The following SLC2A9 variants were observed in gnomAD, a reference collection of about 807,000 sequenced individuals.
SLC2A9 encodes solute carrier family 2, facilitated glucose transporter member 9.
A neutral mutation model predicts 50.6 loss-of-function variants in SLC2A9; 39 were observed. The observed-to-expected ratio is 0.77, with a 90% CI of 0.60 to 1.01. SLC2A9 has a LOEUF of 1.01. Ranked by LOEUF, SLC2A9 falls within the 50% of genes least tolerant of loss-of-function variation. SLC2A9 has a pLI of 0.00. For synonymous variants in SLC2A9, 324 were observed against 276.9 expected (o/e 1.17, Z -1.69); for missense variants, 686 against 677.6 (o/e 1.01, Z -0.14).
intron 10 of SLC2A9, among the ~76,000 whole-genome samples, chr4:9,836,754 GC>G (rs1188269815): frequency 9.2e-5 from 14 of 152,238 alleles, no homozygotes; most frequent in African/African-American, 3.4e-4. Context: ...TTGGAGAAAA[GC>G]CTGGAGGGTG....
chr4:9,791,332 C>T (rs1719893290), intron 3 of SLC2A9, among the ~76,000 whole-genome samples: 1 of 152,272 alleles, frequency 6.6e-6, no homozygotes, highest in South Asian at 2.1e-4. Flanking sequence ...CCTGTTACAC[C>T]ATTTAATGCT....
rs563346423 is a variant in SLC2A9 at position 9,964,948 on chromosome 4, G to A, written c.681+15644C>T. Among the ~76,000 whole-genome samples the A allele has an allele frequency of 7.9e-5, 12 of 152,196 alleles. No individual in the cohort carries two copies. The South Asian group carries it at 8.3e-4, about 11-fold the overall frequency. ...AGACATTCGGAGTAATTATCACCCC[G>A]CTCTGAGACTGAGCTTTTCATCTGT... On this transcript the variant is annotated intron_variant, in intron 5 of 11. Coordinates refer to ENST00000264784, the MANE Select transcript of SLC2A9 (RefSeq NM_020041.3).
chr4:9,822,476 A>G (rs1724538029), downstream of SLC2A9, among the ~76,000 whole-genome samples: 1 of 152,088 alleles, frequency 6.6e-6, no homozygotes, highest in African/African-American at 2.4e-5. Context: ...TTGTTTCAAA[A>G]TCTACTTTTT....
At chr4:9,804,290 C>T (rs1342314678) in intron 3 of SLC2A9, among the ~76,000 whole-genome samples, 1 of 152,152 alleles carries the variant, frequency 6.6e-6, no homozygotes, top group Admixed American at 6.5e-5. Context: ...AGGGTAGTGC[C>T]AGCAGGTCTA....
intron 4 of SLC2A9, among the ~76,000 whole-genome samples, chr4:9,981,036 G>C (rs1317638929): frequency 6.6e-6 from 1 of 152,006 alleles, no homozygotes; most frequent in Non-Finnish European, 1.5e-5. Context: ...CGTGATGGTA[G>C]TGATGGTGGT....
At chr4:10,038,506 CAAA>C (rs35698968) in intron 1 of SLC2A9, among the ~76,000 whole-genome samples, 17 of 49,444 alleles carry the variant, frequency 3.4e-4, no homozygotes, top group African/African-American at 1.3e-3. Context: ...GACTCTGTCT[CAAA>C]AAAAAAAAAA....
intron 10 of SLC2A9, among the ~76,000 whole-genome samples, chr4:9,872,956 T>C (rs1733698277): frequency 6.6e-6 from 1 of 152,254 alleles, no homozygotes; most frequent in Admixed American, 6.5e-5. Context: ...TTAAGTTGCT[T>C]TGTTTTCTTC....
intron 3 of SLC2A9, among the ~76,000 whole-genome samples, chr4:9,819,712 C>A (rs1282760863): frequency 4.6e-5 from 7 of 152,186 alleles, no homozygotes; most frequent in Non-Finnish European, 1.0e-4. Flanking sequence ...GGCGTGCAGA[C>A]CACCTGCAGT....
chr4:10,035,541 C>A (rs1190781681), intron 1 of SLC2A9: 1 of 152,188 alleles, frequency 6.6e-6, no homozygotes, highest in Non-Finnish European at 1.5e-5. Context: ...TGAAGGGATA[C>A]CTGCATGGAT....
chr4:9,810,578 G>T (rs1258214114), intron 3 of SLC2A9, among the ~76,000 whole-genome samples: 3 of 152,200 alleles, frequency 2.0e-5, no homozygotes, highest in Admixed American at 2.0e-4. Context: ...AGCCAGGCAT[G>T]AGCATTTACT....
intron 3 of SLC2A9, among the ~76,000 whole-genome samples, chr4:9,990,071 T>C (rs1036406224): frequency 8.5e-5 from 13 of 152,148 alleles, no homozygotes; most frequent in Admixed American, 2.6e-4. Context: ...TGGCACAGTC[T>C]GCATGCTTGT....
chr4:9,958,795 G>A (rs1751743480), intron 5 of SLC2A9, among the ~76,000 whole-genome samples: 1 of 152,036 alleles, frequency 6.6e-6, no homozygotes, highest in Admixed American at 6.6e-5. Flanking sequence ...CAGGCTAGAG[G>A]GCTGAGGTAC....
At chr4:9,807,889 C>A (rs1722332235) in intron 3 of SLC2A9, among the ~76,000 whole-genome samples, 1 of 152,206 alleles carries the variant, frequency 6.6e-6, no homozygotes, top group African/African-American at 2.4e-5. Flanking sequence ...CTCCTTGTCC[C>A]AGCAAGTGAA....
At chr4:9,793,862 A>C (rs1720263991) in intron 3 of SLC2A9, among the ~76,000 whole-genome samples, 2 of 152,210 alleles carry the variant, frequency 1.3e-5, no homozygotes, top group Admixed American at 1.3e-4. Context: ...AAACAAAATC[A>C]ATAATTTAAG....
intron 6 of SLC2A9, among the ~76,000 whole-genome samples, chr4:9,924,317 C>A (rs187561982): frequency 6.6e-6 from 1 of 152,196 alleles, no homozygotes; most frequent in African/African-American, 2.4e-5. Context: ...TCTCCGCCTG[C>A]GGCTTTCCCT....
In SLC2A9 at chr4:10,027,382, C is replaced by T. The variant is rs1763789534; in HGVS notation, c.-40-1376G>A. 2.6e-5 allele frequency among the ~76,000 whole-genome samples: 4 copies of T among 152,208 alleles called. No individual in the cohort carries two copies. In the South Asian group the frequency reaches 8.3e-4, roughly 32 times the overall value. ...AACGTGTCTTTGATCCCGTCGCCTC[C>T]TGTTTACCACCCCATTTTCCTGCTC... On this transcript the variant is annotated intron_variant, in intron 1 of 12. Transcript: ENST00000309065.
intron 3 of SLC2A9, among the ~76,000 whole-genome samples, chr4:9,789,532 C>A (rs1719635570): frequency 6.6e-6 from 1 of 152,170 alleles, no homozygotes; most frequent in Non-Finnish European, 1.5e-5. Context: ...GACTTGCCTA[C>A]ACCTAGAATA....
intron 6 of SLC2A9, among the ~76,000 whole-genome samples, chr4:9,939,932 C>T (rs1039418267): frequency 2.0e-5 from 3 of 152,148 alleles, no homozygotes; most frequent in African/African-American, 7.2e-5. Flanking sequence ...CAACTTAAGG[C>T]CAATATCTTT....
chr4:9,826,963 C>T (rs965757818), intron 11 of SLC2A9, among the ~76,000 whole-genome samples: 1 of 152,172 alleles, frequency 6.6e-6, no homozygotes, highest in Non-Finnish European at 1.5e-5. Context: ...CTACTATACA[C>T]ATGAGACAAG....
Sources: allele counts gnomAD v4.1 joint callset (sites outside exome capture counted in the v4.1 genomes callset), GRCh38; gene constraint gnomAD v4.1.1; transcripts MANE v1.5; gene names NCBI Gene and HGNC (gene_info 2026-07-23, HGNC 2026-07-21).